NPFFR2: variants seen among roughly 807,000 people sequenced by gnomAD.
The protein encoded by NPFFR2 is G-protein coupled receptor 74.
Under a neutral mutation model 13.1 loss-of-function variants are expected in NPFFR2, and 15 were observed. The observed-to-expected ratio is 1.15, with a 90% confidence interval of 0.77 to 1.76. The LOEUF (loss-of-function observed/expected upper bound fraction) is 1.76. Among genes scored for constraint, NPFFR2 ranks in the 40% most tolerant of loss-of-function variants. NPFFR2 has a pLI of 0.00. For missense variants in NPFFR2, 572 were observed against 503.5 expected (o/e 1.14, Z -1.30); for synonymous variants, 190 against 175.7 (o/e 1.08, Z -0.65).
intron 2 of NPFFR2, among the ~76,000 whole-genome samples, chr4:72,135,713 A>G (rs985864447): frequency 3.3e-5 from 5 of 151,854 alleles, no homozygotes; most frequent in Non-Finnish European, 5.9e-5. Context: ...TGGTTTTCCT[A>G]TAAGTATTTT....
intron 1 of NPFFR2, among the ~76,000 whole-genome samples, chr4:72,073,177 A>G (rs915496269): frequency 6.6e-6 from 1 of 152,044 alleles, no homozygotes; most frequent in African/African-American, 2.4e-5. Context: ...TTAATTGTAT[A>G]TTTTGAAATA....
chr4:72,068,350 G>A (rs1005485082), intron 1 of NPFFR2, among the ~76,000 whole-genome samples: 2 of 152,200 alleles, frequency 1.3e-5, no homozygotes, highest in Admixed American at 6.5e-5. Context: ...GATGGCAGAA[G>A]GCATATGGGC....
intron 1 of NPFFR2, among the ~76,000 whole-genome samples, chr4:72,034,393 G>A (rs1267413331): frequency 2.6e-5 from 4 of 152,054 alleles, no homozygotes; most frequent in Admixed American, 1.3e-4. Context: ...AAGGAGAAAC[G>A]CCAAGCCAAA....
At chr4:72,050,947 A>C (rs533490595) in intron 1 of NPFFR2, among the ~76,000 whole-genome samples, 2 of 151,894 alleles carry the variant, frequency 1.3e-5, no homozygotes, top group Admixed American at 6.6e-5. Flanking sequence ...TGAACTCATC[A>C]TTTTTTATGG....
At chr4:72,067,346 C>T (rs1186329501) in intron 1 of NPFFR2, among the ~76,000 whole-genome samples, 1 of 152,088 alleles carries the variant, frequency 6.6e-6, no homozygotes, top group Non-Finnish European at 1.5e-5. Flanking sequence ...CACAGCCACC[C>T]TGGGCTCCTC....
intron 1 of NPFFR2, among the ~76,000 whole-genome samples, chr4:72,058,696 C>T (rs1160083130): frequency 3.3e-5 from 5 of 152,130 alleles, no homozygotes; most frequent in East Asian, 3.9e-4. Context: ...TTTCATCTAA[C>T]ATGGATTTTT....
chr4:72,081,283 G>A (rs1462476103), intron 1 of NPFFR2, among the ~76,000 whole-genome samples: 1 of 152,130 alleles, frequency 6.6e-6, no homozygotes, highest in Non-Finnish European at 1.5e-5. Context: ...ACAGAATTGA[G>A]TAGTTGTGAC....
chr4:72,116,166 TAAAG>T (rs1721706440), intron 1 of NPFFR2, among the ~76,000 whole-genome samples: 1 of 152,182 alleles, frequency 6.6e-6, no homozygotes, highest in Admixed American at 6.5e-5. Context: ...ATGTTTGTAC[TAAAG>T]AAATTTTTTT....
chr4:72,054,972 A>G (rs937255689), intron 1 of NPFFR2, among the ~76,000 whole-genome samples: 2 of 152,008 alleles, frequency 1.3e-5, no homozygotes, highest in Non-Finnish European at 2.9e-5. Context: ...ACAGAGGAAA[A>G]TTTTCTATAT....
intron 2 of NPFFR2, among the ~76,000 whole-genome samples, chr4:72,129,300 CACAGAG>C (rs1234060380): frequency 1.3e-5 from 2 of 149,172 alleles, no homozygotes; most frequent in South Asian, 4.4e-4. Flanking sequence ...AAGAAAAAGA[CACAGAG>C]ACAAAGTATA....
intron 1 of NPFFR2, among the ~76,000 whole-genome samples, chr4:72,081,223 G>T (rs1053102120): frequency 6.6e-6 from 1 of 152,068 alleles, no homozygotes; most frequent in Non-Finnish European, 1.5e-5. Context: ...TTATTAAAAC[G>T]ATTATTCCCA....
chr4:72,091,172 T>C (rs1338978214), intron 1 of NPFFR2, among the ~76,000 whole-genome samples: 1 of 152,136 alleles, frequency 6.6e-6, no homozygotes, highest in Non-Finnish European at 1.5e-5. Context: ...TCTGCATCCC[T>C]GGTCTGAAAC....
At chr4:72,138,575 T>C (rs1389562705) in intron 3 of NPFFR2, among the ~76,000 whole-genome samples, 1 of 152,216 alleles carries the variant, frequency 6.6e-6, no homozygotes, top group South Asian at 2.1e-4. Context: ...TCCATGTCCC[T>C]GTAAAGGACA....
At chr4:72,146,234 G>A (rs916375887) in intron 3 of NPFFR2, among the ~76,000 whole-genome samples, 3 of 152,040 alleles carry the variant, frequency 2.0e-5, no homozygotes, top group African/African-American at 7.3e-5. Flanking sequence ...CATTAATCTG[G>A]GAGCTAAACT....
intron 1 of NPFFR2, among the ~76,000 whole-genome samples, chr4:72,098,396 A>C (rs1314584464): frequency 6.6e-6 from 1 of 152,208 alleles, no homozygotes; most frequent in Non-Finnish European, 1.5e-5. Flanking sequence ...CATGGACTGC[A>C]TGTGGCCCAG....
intron 2 of NPFFR2, among the ~76,000 whole-genome samples, chr4:72,131,397 G>A (rs1380755226): frequency 7.1e-6 from 1 of 140,030 alleles, no homozygotes; most frequent in Admixed American, 8.0e-5. Flanking sequence ...ATTGAACAAT[G>A]AGATCACATG....
At chr4:72,125,018 A>C (rs1381856472) in intron 1 of NPFFR2, among the ~76,000 whole-genome samples, 1 of 152,076 alleles carries the variant, frequency 6.6e-6, no homozygotes, top group Non-Finnish European at 1.5e-5. Context: ...TTTGCAATCT[A>C]TCCATCTATC....
chr4:72,080,286 T>A (rs933412976), intron 1 of NPFFR2, among the ~76,000 whole-genome samples: 1 of 152,030 alleles, frequency 6.6e-6, no homozygotes, highest in Non-Finnish European at 1.5e-5. Context: ...TGCCTCAGTC[T>A]CCTGAGTACC....
intron 1 of NPFFR2, among the ~76,000 whole-genome samples, chr4:72,107,357 G>A (rs1316891856): frequency 6.7e-6 from 1 of 150,302 alleles, no homozygotes; most frequent in Non-Finnish European, 1.5e-5. Flanking sequence ...CTTCATTCTG[G>A]TTAGTTTTCA....
Sources: gnomAD v4.1 joint callset for allele counts (sites outside exome capture counted in the v4.1 genomes callset) on GRCh38, gnomAD v4.1.1 for gene constraint, MANE v1.5 for transcripts, NCBI Gene and HGNC (gene_info 2026-07-23, HGNC 2026-07-21) for gene names.